The following KCNQ5 variants were observed in gnomAD, a reference collection of about 807,000 sequenced individuals.
The protein encoded by KCNQ5 is potassium voltage-gated channel subfamily Q member 5.
In KCNQ5, 30 loss-of-function variants were observed where a neutral mutation model predicts 98.2. The observed-to-expected ratio is 0.31, with a 90% CI of 0.23 to 0.41. The LOEUF is 0.41. KCNQ5 is among the 10% of genes least tolerant of loss of function. The probability of loss-of-function intolerance (pLI) is 1.00; values close to 1 mark genes in which losing one functional copy is unlikely to be tolerated. For missense variants in KCNQ5, 835 were observed against 1,182.5 expected (o/e 0.71, Z 4.31); for synonymous variants, 458 against 449.4 (o/e 1.02, Z -0.24).
intron 5 of KCNQ5, among the ~76,000 whole-genome samples, chr6:73,101,421 A>G (rs1774768689): frequency 6.6e-6 from 1 of 152,192 alleles, no homozygotes; most frequent in South Asian, 2.1e-4. Context: ...ATCAGAGAAG[A>G]GAGAAATAAA....
chr6:72,663,805 TA>T (rs576226097), intron 1 of KCNQ5, among the ~76,000 whole-genome samples: 20 of 149,558 alleles, frequency 1.3e-4, no homozygotes, highest in South Asian at 2.1e-4. Flanking sequence ...ATATATTCTT[TA>T]AAAAAAAAAG....
At chr6:73,043,067 G>A (rs1048842582) in intron 3 of KCNQ5, 10 of 346,288 alleles carry the variant, frequency 2.9e-5, no homozygotes, top group African/African-American at 1.9e-4. Context: ...TTTTGTTTTA[G>A]GAGTCAGGAA....
At chr6:73,059,690 T>C (rs913878933) in intron 3 of KCNQ5, among the ~76,000 whole-genome samples, 7 of 152,146 alleles carry the variant, frequency 4.6e-5, no homozygotes, top group African/African-American at 1.4e-4. Flanking sequence ...GCTTTTTCTG[T>C]TTTTCTATGA....
At chr6:73,036,777 C>G (rs564472821) in intron 2 of KCNQ5, among the ~76,000 whole-genome samples, 1 of 152,232 alleles carries the variant, frequency 6.6e-6, no homozygotes, top group South Asian at 2.1e-4. Context: ...TTTTTGGGGT[C>G]TGGTCATTAT....
At chr6:73,029,660 G>A (rs1771043593) in intron 2 of KCNQ5, among the ~76,000 whole-genome samples, 1 of 151,788 alleles carries the variant, frequency 6.6e-6, no homozygotes, top group Admixed American at 6.6e-5. Context: ...TTGGCCGGGC[G>A]CGGTGGCTCA....
chr6:72,913,546 C>T (rs1350325405), intron 1 of KCNQ5, among the ~76,000 whole-genome samples: 1 of 152,192 alleles, frequency 6.6e-6, no homozygotes, highest in East Asian at 1.9e-4. Context: ...TATACAGACA[C>T]TATTGTGATT....
At chr6:72,640,756 T>C (rs193010071) in intron 1 of KCNQ5, 1 of 152,224 alleles carries the variant, frequency 6.6e-6, no homozygotes, top group East Asian at 1.9e-4. Flanking sequence ...CCTGCAAAAA[T>C]GTTAAGTAGC....
rs151081604 is a variant in KCNQ5 at position 72,688,247 on chromosome 6, AAC to A, written c.398+65664_398+65665del. ...GCATTCAGAACATCTTCTTTTGTAC[AAC>A]ACAGCAACTTCAGGGGCTCTTCAAG... On this transcript the variant is annotated intron_variant, in intron 1 of 13. Transcript: ENST00000370398. Among the ~76,000 whole-genome samples, 1,435 of 152,302 alleles carry A rather than the reference AAC, an allele frequency of 9.4e-3. 11 individuals are homozygous for A. The highest frequency in any genetic ancestry group is 0.02 in the East Asian group (104 of 5,192).
chr6:73,026,411 C>T (rs1418850211), intron 2 of KCNQ5, among the ~76,000 whole-genome samples: 1 of 152,108 alleles, frequency 6.6e-6, no homozygotes, highest in Non-Finnish European at 1.5e-5. Flanking sequence ...CCTTCTGTCT[C>T]GAAACTTCTT....
At chr6:73,104,471 C>T (rs934007184) in intron 5 of KCNQ5, among the ~76,000 whole-genome samples, 1 of 152,088 alleles carries the variant, frequency 6.6e-6, no homozygotes, top group South Asian at 2.1e-4. Context: ...CTTTTTAAAT[C>T]CACCATGCCC....
At chr6:72,758,309 CCTTT>C (rs1458132064) in intron 1 of KCNQ5, among the ~76,000 whole-genome samples, 1 of 152,098 alleles carries the variant, frequency 6.6e-6, no homozygotes, top group East Asian at 1.9e-4. Flanking sequence ...TCAATAATTA[CCTTT>C]CTATTTTGCT....
At chr6:72,753,745 A>G (rs1391058256) in intron 1 of KCNQ5, among the ~76,000 whole-genome samples, 1 of 152,118 alleles carries the variant, frequency 6.6e-6, no homozygotes, top group Non-Finnish European at 1.5e-5. Context: ...ACCTTTTAAA[A>G]TATTTTGACC....
At chr6:72,787,136 C>A (rs1436717056) in intron 1 of KCNQ5, among the ~76,000 whole-genome samples, 1 of 152,090 alleles carries the variant, frequency 6.6e-6, no homozygotes, top group Non-Finnish European at 1.5e-5. Context: ...TGCAGCCCCC[C>A]ACCTGTTTTT....
intron 1 of KCNQ5, among the ~76,000 whole-genome samples, chr6:72,979,141 T>A (rs919410020): frequency 2.6e-5 from 4 of 152,186 alleles, no homozygotes; most frequent in Admixed American, 2.0e-4. Flanking sequence ...TAAACATACG[T>A]GTGTATGTAT....
At chr6:73,166,101 T>C (rs947747) in intron 10 of KCNQ5, among the ~76,000 whole-genome samples, 107,588 of 151,822 alleles carry the variant, frequency 0.71, 39,421 homozygotes, top group African/African-American at 0.88. Flanking sequence ...AGCCTTCTGT[T>C]CCTCACTTTC....
intron 2 of KCNQ5, among the ~76,000 whole-genome samples, chr6:73,009,537 T>C (rs1769968575): frequency 6.6e-6 from 1 of 151,408 alleles, no homozygotes. Flanking sequence ...ACAGTAAACA[T>C]GGATAAATGA....
At chr6:73,149,746 G>A (rs1777070918) in intron 10 of KCNQ5, among the ~76,000 whole-genome samples, 2 of 150,464 alleles carry the variant, frequency 1.3e-5, no homozygotes, top group South Asian at 2.1e-4. Context: ...GCAGTGAGCC[G>A]AGATTGGGCC....
chr6:72,951,933 C>T (rs1766827228), intron 1 of KCNQ5, among the ~76,000 whole-genome samples: 1 of 152,172 alleles, frequency 6.6e-6, no homozygotes, highest in Non-Finnish European at 1.5e-5. Flanking sequence ...TAGTCATCAA[C>T]ATTTCACTAA....
intron 1 of KCNQ5, among the ~76,000 whole-genome samples, chr6:72,898,706 G>A (rs1229112566): frequency 1.3e-5 from 2 of 152,054 alleles, no homozygotes; most frequent in African/African-American, 2.4e-5. Flanking sequence ...GGGATTGCTG[G>A]GTCAAATGTT....
Sources: gnomAD v4.1 joint callset for allele counts (sites outside exome capture counted in the v4.1 genomes callset) on GRCh38, gnomAD v4.1.1 for gene constraint, MANE v1.5 for transcripts, NCBI Gene and HGNC (gene_info 2026-07-23, HGNC 2026-07-21) for gene names.